The following GSTA2 variants were observed in gnomAD, a reference collection of about 807,000 sequenced individuals.
The protein encoded by GSTA2 is glutathione S-transferase A2.
A neutral mutation model predicts 22.4 loss-of-function variants in GSTA2; 27 were observed. The observed-to-expected ratio is 1.21, with a 90% CI of 0.89 to 1.67. The LOEUF (loss-of-function observed/expected upper bound fraction) is 1.67, where lower values mean the gene tolerates loss of function less well. Among genes scored for constraint, GSTA2 ranks in the 40% most tolerant of loss-of-function variants. The pLI is 0.00. For missense variants in GSTA2, 302 were observed against 260.2 expected (o/e 1.16, Z -1.11); for synonymous variants, 121 against 86.8 (o/e 1.39, Z -2.19).
At chr6:52,754,448 A>G (rs150060514) in intron 4 of GSTA2, among the ~76,000 whole-genome samples, 37 of 152,272 alleles carry the variant, frequency 2.4e-4, no homozygotes, top group Non-Finnish European at 5.1e-4. Context: ...GCCAGCCTCT[A>G]CTAGCCCTGC....
chr6:52,752,814 C>G (rs373267358), intron 5 of GSTA2, 40 bp downstream of exon 5: 113 of 1,612,046 alleles, frequency 7.0e-5, no homozygotes, highest in Admixed American at 3.3e-4. Flanking sequence ...CTACTGGCTT[C>G]TAAACTCAGT....
intron 1 of GSTA2, among the ~76,000 whole-genome samples, chr6:52,758,296 A>G (rs1762886066): frequency 6.6e-6 from 1 of 152,180 alleles, no homozygotes; most frequent in African/African-American, 2.4e-5. Flanking sequence ...ACTAATATTT[A>G]CTGAAAACTT....
chr6:52,762,140 C>T (rs1162577950), intron 1 of GSTA2, among the ~76,000 whole-genome samples: 1 of 152,126 alleles, frequency 6.6e-6, no homozygotes, highest in Non-Finnish European at 1.5e-5. Flanking sequence ...CCGCAGGGAC[C>T]TCTGCCTAGG....
intron 6 of GSTA2, 101 bp from the exon 7 acceptor site, chr6:52,750,800 A>C (rs1258007637): frequency 1.9e-5 from 27 of 1,457,836 alleles, no homozygotes; most frequent in Non-Finnish European, 2.5e-5. Context: ...CCAAAGACCA[A>C]GTGAGTCGCT....
chr6:52,760,608 C>T (rs2127290827), intron 1 of GSTA2, among the ~76,000 whole-genome samples: 1 of 152,254 alleles, frequency 6.6e-6, no homozygotes, highest in Non-Finnish European at 1.5e-5. Context: ...TTGGGTCAGC[C>T]TGAACTTCTG....
Position 52,752,948 on chromosome 6 carries a change from A to G in GSTA2, c.320T>C (p.Leu107Pro), listed in dbSNP as rs1434460464. ...CTCAGGTTGACTAAAGGGCAGAAGA[A>G]GGATCATTTCACCCAAATCTGCTAT... ...EGIADLGEMI[L>P]LLPFSQPEEQ... Residue 107 changes from leucine to proline, a missense_variant, in exon 5 of 7, where the codon CTT (leucine) becomes CCT (proline). By Grantham distance (98) the Leu-to-Pro change is moderately conservative. Coordinates refer to ENST00000493422, the MANE Select transcript of GSTA2 (RefSeq NM_000846.5). 6.2e-7 allele frequency: 1 copy of G among 1,613,752 alleles called. No homozygotes were observed. Among genetic ancestry groups the G allele is most frequent in the African/African-American group, 1.3e-5 (1 of 74,944 alleles).
intron 1 of GSTA2, among the ~76,000 whole-genome samples, chr6:52,760,412 A>G (rs1762931959): frequency 6.6e-6 from 1 of 152,164 alleles, no homozygotes; most frequent in Admixed American, 6.5e-5. Flanking sequence ...GAAAATGAGA[A>G]CCAGAGAGCT....
In GSTA2 at chr6:52,757,852, A is replaced by C. The variant is rs762215120; in HGVS notation, c.87+9T>G. On this transcript the variant is annotated intron_variant, in intron 2 of 6. Transcript: ENST00000493422. ...AATCTGACTTAAGATGACCTAACTC[A>C]GAACCTACCTCTACTCCAGCTGCAG... 6.8e-6 allele frequency: 11 copies of C among 1,610,942 alleles called. No homozygotes were observed. Among genetic ancestry groups the C allele is most frequent in the Non-Finnish European group, 9.3e-6 (11 of 1,177,140 alleles).
rs370577047 is a variant in GSTA2, at chr6:52,757,817, C to T, written c.87+44G>A. On this transcript the variant is annotated intron_variant, in intron 2 of 6. Transcript: ENST00000493422. ...TTTCTGTGGGAAAAGTATGTGATAA[C>T]GCAATCGTAAATCTGACTTAAGATG... is the stretch of plus-strand genomic sequence containing the variant. 7.8e-4 allele frequency: 1,175 copies of T among 1,501,706 alleles called. 1 individual carries two copies. Among genetic ancestry groups the T allele is most frequent in the East Asian group, 1.5e-3 (66 of 44,204 alleles). The allele number at this position is 1,501,706 out of a possible 1,614,324, so 93.0% of individuals were successfully genotyped here.
intron 1 of GSTA2, among the ~76,000 whole-genome samples, chr6:52,761,213 C>T (rs1161608491): frequency 6.6e-6 from 1 of 152,168 alleles, no homozygotes; most frequent in Non-Finnish European, 1.5e-5. Flanking sequence ...TTGCTCTTGT[C>T]CCAGTGCTTG....
intron 6 of GSTA2, among the ~76,000 whole-genome samples, chr6:52,751,218 A>AG (rs1762729505): frequency 6.6e-6 from 1 of 152,166 alleles, no homozygotes; most frequent in South Asian, 2.1e-4. Context: ...CCAGATGGAA[A>AG]GGGCTCTGCT....
chr6:52,757,943 G>T lies in GSTA2; in HGVS notation c.5C>A (p.Ala2Glu). 1 of 1,611,948 alleles carries T rather than the reference G, an allele frequency of 6.2e-7. No individual in the cohort carries two copies. The highest frequency in any genetic ancestry group is 8.5e-7 in the Non-Finnish European group (1 of 1,178,148). ...GGAGTAGTGGAGCTTGGGCTTCTCTGCCATGGTAGCAGTCTCCTGGAGGTT... is the reference window on the plus strand; with the variant it reads ...GGAGTAGTGGAGCTTGGGCTTCTCTTCCATGGTAGCAGTCTCCTGGAGGTT... M[A>E]EKPKLHYSNI... Residue 2 changes from alanine to glutamate, a missense_variant, in exon 2 of 7, where the codon GCA becomes GAA. Physicochemically the swap from Ala to Glu is moderately radical, Grantham distance 107. Coordinates refer to ENST00000493422, the MANE Select transcript of GSTA2 (RefSeq NM_000846.5).
At chr6:52,762,694 C>A (rs540141013) in intron 1 of GSTA2, among the ~76,000 whole-genome samples, 3 of 152,332 alleles carry the variant, frequency 2.0e-5, no homozygotes, top group South Asian at 2.1e-4. Context: ...CCTGGACCCA[C>A]TTTTCTTTCT....
intron 5 of GSTA2, among the ~76,000 whole-genome samples, chr6:52,751,955 T>C (rs113915494): frequency 0.018 from 2,724 of 152,272 alleles, 88 homozygotes; most frequent in African/African-American, 0.061. Flanking sequence ...GCGTCTACAC[T>C]ACCCACCCAG....
At position 52,752,752 on chromosome 6, in the gene GSTA2, G is replaced by C. The variant is rs189598332; in HGVS notation, c.414+102C>G. ...AGAGTGCTGCATTGGTGTCCAGGAA[G>C]TATCACTGAAAGTGAAGATCAGTGC... On this transcript the variant is annotated intron_variant, in intron 5 of 6. Transcript: ENST00000493422. 7.5e-5 allele frequency: 107 copies of C among 1,428,192 alleles called. No homozygotes were observed. The African/African-American group carries it at 1.3e-3, about 17-fold the overall frequency. The allele number at this position is 1,428,192 out of a possible 1,614,324, so 88.5% of individuals were successfully genotyped here. A position where few individuals can be genotyped will look rare whatever the true frequency, so the allele number is the denominator to read the frequency against.
intron 1 of GSTA2, among the ~76,000 whole-genome samples, chr6:52,758,653 A>G (rs1270789911): frequency 1.3e-5 from 2 of 152,184 alleles, no homozygotes; most frequent in Non-Finnish European, 1.5e-5. Context: ...TAGGCCTCAG[A>G]CTTGTTTAAC....
chr6:52,760,970 G>A (rs1762940827), intron 1 of GSTA2, among the ~76,000 whole-genome samples: 2 of 152,156 alleles, frequency 1.3e-5, no homozygotes, highest in African/African-American at 2.4e-5. Context: ...GTAAATTAAA[G>A]GAGTTACGTC....
Position 52,756,197 on chromosome 6 carries a change from A to G in GSTA2, c.139+61T>C, listed in dbSNP as rs1171158736. 7 of 1,233,826 alleles carry G rather than the reference A, an allele frequency of 5.7e-6. 1 individual carries two copies. Among genetic ancestry groups the G allele is most frequent in the South Asian group, 4.8e-5 (4 of 83,386 alleles). 76.4% of individuals were successfully genotyped at this position (1,233,826 alleles called of 1,614,324 possible). A position where few individuals can be genotyped will look rare whatever the true frequency, so the allele number is the denominator to read the frequency against. ...ACCCATAGACATTGCCGGCTGCGCA[A>G]ACCTCCCCGTGTACCTTCTACTAGA... On this transcript the variant is annotated intron_variant, in intron 3 of 6. Coordinates refer to ENST00000493422, the MANE Select transcript of GSTA2 (RefSeq NM_000846.5).
chr6:52,761,305 A>T (rs73740550), intron 1 of GSTA2, among the ~76,000 whole-genome samples: 2,714 of 152,224 alleles, frequency 0.018, 88 homozygotes, highest in African/African-American at 0.061. Context: ...TTATTTTACC[A>T]ACCAACAATC....
Sources: gnomAD v4.1 joint callset for allele counts (sites outside exome capture counted in the v4.1 genomes callset) on GRCh38, gnomAD v4.1.1 for gene constraint, MANE v1.5 for transcripts, NCBI Gene and HGNC (gene_info 2026-07-23, HGNC 2026-07-21) for gene names.